The following PRCC variants were observed in gnomAD, a reference collection of about 807,000 sequenced individuals.
The protein encoded by PRCC is proline rich mitotic checkpoint control factor, also known as proline-rich protein PRCC.
A neutral mutation model predicts 44.0 loss-of-function variants in PRCC; 10 were observed. The ratio of observed to expected loss-of-function variants is 0.23; its 90% CI spans 0.14 to 0.39. The LOEUF (loss-of-function observed/expected upper bound fraction) is 0.39, where lower values mean the gene tolerates loss of function less well. PRCC is among the 10% of genes least tolerant of loss of function. The probability of loss-of-function intolerance (pLI) is 1.00; values close to 1 mark genes in which losing one functional copy is unlikely to be tolerated. For missense variants in PRCC, 573 were observed against 624.7 expected, an observed-to-expected ratio of 0.92 and a Z score of 0.88; for synonymous variants, 278 against 259.5, an observed-to-expected ratio of 1.07 and a Z score of -0.69.
chr1:156,771,682 T>TG (rs1553252091), intron 1 of PRCC, among the ~76,000 whole-genome samples: 43,610 of 76,728 alleles, frequency 0.57, 6,552 homozygotes, highest in African/African-American at 0.6. Flanking sequence ...CTAGTTTAAA[T>TG]GTTTTTTTTT....
intron 5 of PRCC, among the ~76,000 whole-genome samples, chr1:156,795,222 T>TCCCTCCCTCCCTCCTTTCCTC (rs1652616386): frequency 6.7e-6 from 1 of 150,304 alleles, no homozygotes; most frequent in Non-Finnish European, 1.5e-5. Context: ...TTCCTTTCCT[T>TCCCTCCCTCCCTCCTTTCCTC]CCCTCCCTCC....
Position 156,780,607 on chromosome 1 carries a change from C to T in PRCC, c.469-1675C>T, listed in dbSNP as rs181599793. On this transcript the variant is annotated intron_variant, in intron 1 of 6. Transcript: ENST00000271526. ...CTGGGACTACAGGCATGTACCACCA[C>T]GCCTGACTAAATTTATATTTTTAGT... is the stretch of plus-strand genomic sequence containing the variant. Among the ~76,000 whole-genome samples the T allele has an allele frequency of 2.7e-3, 413 of 151,890 alleles. 2 individuals carry two copies. The highest frequency in any genetic ancestry group is 9.5e-3 in the African/African-American group (395 of 41,434).
chr1:156,783,239 C>T (rs1361364065), intron 2 of PRCC, among the ~76,000 whole-genome samples: 1 of 152,176 alleles, frequency 6.6e-6, no homozygotes, highest in East Asian at 1.9e-4. Flanking sequence ...TTAACTGCTG[C>T]ACTCAGCTCC....
At chr1:156,780,350 C>G (rs773909076) in intron 1 of PRCC, among the ~76,000 whole-genome samples, 1 of 151,940 alleles carries the variant, frequency 6.6e-6, no homozygotes, top group Non-Finnish European at 1.5e-5. Flanking sequence ...TGAGCCACTG[C>G]GCCACACTGT....
rs978623556 is a variant in PRCC at position 156,798,890 on chromosome 1, C to T, written c.1390-1484C>T. On this transcript the variant is annotated intron_variant, in intron 6 of 6. Transcript: ENST00000271526. ...ATGACATTGTACGCAATGAAAAACA[C>T]GAGAACTGAGAGAGCACATTTTACT... is the stretch of plus-strand genomic sequence containing the variant. Among the ~76,000 whole-genome samples the T allele has an allele frequency of 3.3e-5, 5 of 149,502 alleles. No homozygotes were observed. In the East Asian group the frequency reaches 7.8e-4, roughly 23 times the overall value.
chr1:156,772,397 T>C (rs1373529439), intron 1 of PRCC, among the ~76,000 whole-genome samples: 1 of 152,202 alleles, frequency 6.6e-6, no homozygotes, highest in Non-Finnish European at 1.5e-5. Context: ...ATTCCAAAAT[T>C]AAATTCAGTC....
chr1:156,775,794 C>T (rs1254305682), intron 1 of PRCC, among the ~76,000 whole-genome samples: 1 of 152,116 alleles, frequency 6.6e-6, no homozygotes, highest in African/African-American at 2.4e-5. Flanking sequence ...CAGGCGTGAG[C>T]CACCGCACCC....
chr1:156,779,118 ATATATATATATTTT>A (rs1651939214), intron 1 of PRCC, among the ~76,000 whole-genome samples: 2 of 19,102 alleles, frequency 1.0e-4, no homozygotes, highest in South Asian at 4.2e-3. Context: ...ATATATATAT[ATATATATATATTTT>A]TTTTTTTTTT....
intron 1 of PRCC, among the ~76,000 whole-genome samples, chr1:156,769,231 A>C (rs967174300): frequency 2.6e-5 from 4 of 152,188 alleles, no homozygotes; most frequent in African/African-American, 9.7e-5. Flanking sequence ...CAGATATCCT[A>C]ATGTTCTCTC....
intron 1 of PRCC, among the ~76,000 whole-genome samples, chr1:156,781,046 C>T (rs1007936262): frequency 6.6e-6 from 1 of 152,068 alleles, no homozygotes; most frequent in African/African-American, 2.4e-5. Context: ...CCTTTTATTA[C>T]AGTGATTTGG....
intron 3 of PRCC, chr1:156,791,196 T>A (rs1215660718): frequency 2.2e-6 from 3 of 1,341,204 alleles, no homozygotes; most frequent in Non-Finnish European, 3.0e-6. Context: ...GTGGTTATTT[T>A]AAATCAGAGA....
chr1:156,782,881 A>T (rs752396416), intron 2 of PRCC, among the ~76,000 whole-genome samples: 7 of 152,100 alleles, frequency 4.6e-5, no homozygotes, highest in Non-Finnish European at 7.4e-5. Flanking sequence ...CAGAGCTGGG[A>T]TTCAGACTCA....
At chr1:156,797,106 TA>T (rs1652683974) in intron 5 of PRCC, 169 bp from the exon 6 acceptor site, 1 of 665,666 alleles carries the variant, frequency 1.5e-6, no homozygotes, top group Non-Finnish European at 2.6e-6. Context: ...ATGGCTTTAA[TA>T]AAAATAAAGG....
In PRCC at chr1:156,791,803, A is replaced by G. The variant is rs1652482627; in HGVS notation, c.1179+11A>G. On this transcript the variant is annotated intron_variant, in intron 4 of 6. Transcript: ENST00000271526. Reference sequence around the variant, plus strand: ...ATCGATGACGAAGCAGTAAGTTAAGAAAGCACAAGTGACCATCTTTGACCG... The same window carrying G: ...ATCGATGACGAAGCAGTAAGTTAAGGAAGCACAAGTGACCATCTTTGACCG... 1 of 1,609,896 alleles carries G rather than the reference A, an allele frequency of 6.2e-7. No individual in the cohort carries two copies. The highest frequency in any genetic ancestry group is 1.3e-5 in the African/African-American group (1 of 74,828).
In PRCC at chr1:156,768,162, C is replaced by T; in HGVS notation, c.391C>T (p.Pro131Ser). ...NLPPPIGGAG[P>S]PLGLPKPKKR... is the part of the protein sequence containing the mutation. ...GCCCCCTCCAATTGGCGGTGCCGGTCCCCCGCTGGGGCTTCCCAAGCCAAA... is the reference window on the plus strand; with the variant it reads ...GCCCCCTCCAATTGGCGGTGCCGGTTCCCCGCTGGGGCTTCCCAAGCCAAA... The change falls in exon 1 of 7, where the codon CCC (proline) becomes TCC (serine). Residue 131 changes from proline (P) to serine (S), a missense_variant. Coordinates refer to ENST00000271526, the MANE Select transcript of PRCC (RefSeq NM_005973.5). 1 of 1,554,826 alleles carries T rather than the reference C, an allele frequency of 6.4e-7. No homozygotes were observed. The highest frequency in any genetic ancestry group is 8.7e-7 in the Non-Finnish European group (1 of 1,149,704).
chr1:156,791,484 A>G (rs367940721), intron 3 of PRCC: 1 of 577,432 alleles, frequency 1.7e-6, no homozygotes, highest in African/African-American at 1.9e-5. Context: ...ATCTGTCTGG[A>G]TAGTGTAGAT....
chr1:156,785,592 G>C (rs375323677), intron 2 of PRCC, among the ~76,000 whole-genome samples: 4 of 141,196 alleles, frequency 2.8e-5, no homozygotes, highest in African/African-American at 7.7e-5. Context: ...CTATCTAAGG[G>C]GGGGAAAAAA....
At chr1:156,772,779 A>C (rs938971457) in intron 1 of PRCC, among the ~76,000 whole-genome samples, 2 of 152,268 alleles carry the variant, frequency 1.3e-5, no homozygotes, top group African/African-American at 4.8e-5. Flanking sequence ...TTTTAGCCCT[A>C]GCTAAAGGGA....
At chr1:156,787,444 GTGAT>G (rs1297069325) in intron 3 of PRCC, among the ~76,000 whole-genome samples, 39 of 99,658 alleles carry the variant, frequency 3.9e-4, no homozygotes, top group African/African-American at 1.4e-3. Context: ...GTACATATTT[GTGAT>G]TGATATATAT....
Sources: gnomAD v4.1 joint callset for allele counts (sites outside exome capture counted in the v4.1 genomes callset) on GRCh38, gnomAD v4.1.1 for gene constraint, MANE v1.5 for transcripts, NCBI Gene and HGNC (gene_info 2026-07-23, HGNC 2026-07-21) for gene names.